The following XKR9 variants were observed in gnomAD, a reference collection of about 807,000 sequenced individuals.
XKR9 encodes the protein XK related 9, also known as XK-related protein 9.
XKR9 carries 32 observed loss-of-function variants against 32.0 expected under a neutral mutation model. The ratio of observed to expected loss-of-function variants is 1.00; its 90% CI spans 0.76 to 1.34. The LOEUF is 1.34. Among genes scored for constraint, XKR9 ranks in the 40% most tolerant of loss-of-function variants. The pLI is 0.00. For missense variants in XKR9, 546 were observed against 429.7 expected (o/e 1.27, Z -2.39); for synonymous variants, 168 against 143.4 (o/e 1.17, Z -1.22).
At chr8:70,718,552 A>G (rs9720190) in intron 4 of XKR9, among the ~76,000 whole-genome samples, 7,366 of 152,066 alleles carry the variant, frequency 0.048, 819 homozygotes, top group East Asian at 0.27. Flanking sequence ...ACTCCCATTT[A>G]TGAGTGAGAA....
chr8:70,733,734 A>G, intron 4 of XKR9, 62 bp from the exon 5 acceptor site: 5 of 1,382,362 alleles, frequency 3.6e-6, no homozygotes, highest in Non-Finnish European at 4.8e-6. Flanking sequence ...TGTATGGGAT[A>G]TAGTAATCTA....
the XKR9 span, among the ~76,000 whole-genome samples, chr8:70,821,628 C>G: frequency 6.6e-6 from 1 of 152,230 alleles, no homozygotes; most frequent in Non-Finnish European, 1.5e-5. Context: ...GGTTCCCAAA[C>G]CTCAACTCTT....
the XKR9 span, among the ~76,000 whole-genome samples, chr8:71,039,047 G>A: frequency 2.6e-5 from 4 of 151,744 alleles, no homozygotes; most frequent in Admixed American, 6.6e-5. Context: ...CAAGTGATCC[G>A]CCTGTCTTGG....
the XKR9 span, among the ~76,000 whole-genome samples, chr8:70,857,988 T>C: frequency 6.6e-6 from 1 of 152,070 alleles, no homozygotes; most frequent in Non-Finnish European, 1.5e-5. Context: ...AGCTATCTAA[T>C]GAAAACCCAC....
the XKR9 span, among the ~76,000 whole-genome samples, chr8:71,013,859 T>G: frequency 6.6e-6 from 1 of 152,152 alleles, no homozygotes; most frequent in Non-Finnish European, 1.5e-5. Flanking sequence ...AGAAAGACTT[T>G]AACTCAATAG....
At chr8:70,918,578 A>C in the XKR9 span, among the ~76,000 whole-genome samples, 1 of 152,002 alleles carries the variant, frequency 6.6e-6, no homozygotes, top group African/African-American at 2.4e-5. Flanking sequence ...TATTAGTCTC[A>C]GATGTGGTCA....
chr8:70,933,352 G>T, the XKR9 span, among the ~76,000 whole-genome samples: 33 of 152,208 alleles, frequency 2.2e-4, no homozygotes, highest in African/African-American at 7.5e-4. Context: ...ATAATGGGAC[G>T]CTTAGGGCGT....
chr8:70,989,334 A>G, the XKR9 span, among the ~76,000 whole-genome samples: 1 of 152,230 alleles, frequency 6.6e-6, no homozygotes, highest in Non-Finnish European at 1.5e-5. Context: ...TCGAAATAAA[A>G]TTTATATTAT....
the XKR9 span, among the ~76,000 whole-genome samples, chr8:70,907,441 C>T: frequency 6.6e-6 from 1 of 152,160 alleles, no homozygotes; most frequent in South Asian, 2.1e-4. Context: ...ACACCCATTG[C>T]TATGATTAAG....
At chr8:71,060,945 A>T in the XKR9 span, among the ~76,000 whole-genome samples, 2 of 152,306 alleles carry the variant, frequency 1.3e-5, no homozygotes, top group South Asian at 4.1e-4. Context: ...TGGTAATAGT[A>T]GTGTTACTAA....
chr8:70,957,759 C>G, the XKR9 span, among the ~76,000 whole-genome samples: 2 of 149,416 alleles, frequency 1.3e-5, no homozygotes, highest in African/African-American at 4.9e-5. Context: ...TGCGTATGTA[C>G]CACATTTTAT....
chr8:70,847,157 A>G, the XKR9 span, among the ~76,000 whole-genome samples: 1 of 152,010 alleles, frequency 6.6e-6, no homozygotes, highest in Non-Finnish European at 1.5e-5. Flanking sequence ...CAGGCCACAA[A>G]GGAATAAAAC....
the XKR9 span, among the ~76,000 whole-genome samples, chr8:70,824,567 A>C: frequency 6.6e-6 from 1 of 152,124 alleles, no homozygotes; most frequent in East Asian, 1.9e-4. Flanking sequence ...TGTAGAGTGG[A>C]TAATCTTGCA....
At chr8:70,864,299 A>C in the XKR9 span, among the ~76,000 whole-genome samples, 5 of 152,190 alleles carry the variant, frequency 3.3e-5, no homozygotes, top group African/African-American at 9.6e-5. Flanking sequence ...CAATACTGGG[A>C]GGCAAATGTC....
chr8:70,960,777 C>T, the XKR9 span, among the ~76,000 whole-genome samples: 16 of 151,454 alleles, frequency 1.1e-4, no homozygotes, highest in East Asian at 7.8e-4. Flanking sequence ...GAGGCTGAGG[C>T]AGGAGGATCC....
the XKR9 span, among the ~76,000 whole-genome samples, chr8:70,935,202 C>T: frequency 8.3e-5 from 3 of 36,072 alleles, no homozygotes; most frequent in South Asian, 1.6e-3. Context: ...TATACATATA[C>T]ATATATACAC....
At chr8:71,030,695 C>T in the XKR9 span, among the ~76,000 whole-genome samples, 1 of 152,108 alleles carries the variant, frequency 6.6e-6, no homozygotes, top group Non-Finnish European at 1.5e-5. Context: ...GCACTTAACC[C>T]TTGTGAAAGT....
downstream of XKR9, among the ~76,000 whole-genome samples, chr8:70,736,920 C>A (rs1806873202): frequency 6.6e-6 from 1 of 152,072 alleles, no homozygotes; most frequent in Non-Finnish European, 1.5e-5. Context: ...CAGCTTTGTT[C>A]TTTTGGCTTA....
the XKR9 span, among the ~76,000 whole-genome samples, chr8:70,882,704 A>C: frequency 4.6e-5 from 7 of 152,114 alleles, no homozygotes; most frequent in Admixed American, 3.9e-4. Flanking sequence ...TACTTTTCCT[A>C]TTATTAACAT....
Sources: allele counts gnomAD v4.1 joint callset (sites outside exome capture counted in the v4.1 genomes callset), GRCh38; gene constraint gnomAD v4.1.1; transcripts MANE v1.5; gene names NCBI Gene and HGNC (gene_info 2026-07-23, HGNC 2026-07-21).